The following UBE2E3 variants were observed in gnomAD, a reference collection of about 807,000 sequenced individuals.
UBE2E3 encodes the protein ubiquitin-conjugating enzyme E2 E3.
A neutral mutation model predicts 23.6 loss-of-function variants in UBE2E3; 5 were observed. The observed-to-expected ratio is 0.21, with a 90% CI of 0.11 to 0.44. The LOEUF (loss-of-function observed/expected upper bound fraction) is 0.44, where lower values mean the gene tolerates loss of function less well. UBE2E3 is among the 20% of genes least tolerant of loss of function. UBE2E3 has a pLI of 0.99. For synonymous variants in UBE2E3, 78 were observed against 87.5 expected (o/e 0.89, Z 0.60); for missense variants, 81 against 249.8 (o/e 0.32, Z 4.55).
intron 3 of UBE2E3, among the ~76,000 whole-genome samples, chr2:180,996,984 C>G (rs1302248728): frequency 6.6e-6 from 1 of 152,030 alleles, no homozygotes; most frequent in Non-Finnish European, 1.5e-5. Flanking sequence ...GCACACATGG[C>G]TCTTATAAAT....
At chr2:181,060,525 G>C (rs1687115624) in intron 4 of UBE2E3, 140 bp from the exon 5 acceptor site, 3 of 945,732 alleles carry the variant, frequency 3.2e-6, no homozygotes, top group Admixed American at 7.4e-5. Context: ...ATTTAATTTT[G>C]TTATTAAACC....
intron 3 of UBE2E3, among the ~76,000 whole-genome samples, chr2:181,054,510 G>A (rs1043139084): frequency 2.6e-5 from 4 of 151,360 alleles, no homozygotes; most frequent in South Asian, 4.2e-4. Context: ...TTTTTCATAC[G>A]CTTACTTGCC....
chr2:180,982,670 A>C (rs1684338542), intron 2 of UBE2E3, among the ~76,000 whole-genome samples: 1 of 152,154 alleles, frequency 6.6e-6, no homozygotes, highest in African/African-American at 2.4e-5. Flanking sequence ...TTGCTAGAAA[A>C]TTTGCAAATT....
chr2:181,024,563 A>G (rs1242364591), intron 3 of UBE2E3, among the ~76,000 whole-genome samples: 3 of 152,118 alleles, frequency 2.0e-5, no homozygotes, highest in African/African-American at 7.2e-5. Context: ...GACTTTTAAT[A>G]TATGTGATTA....
At chr2:181,043,469 CAT>C (rs1489173160) in intron 3 of UBE2E3, among the ~76,000 whole-genome samples, 2 of 152,080 alleles carry the variant, frequency 1.3e-5, no homozygotes, top group Non-Finnish European at 2.9e-5. Context: ...GTACATGAAA[CAT>C]AAATGAGTTT....
intron 3 of UBE2E3, among the ~76,000 whole-genome samples, chr2:181,033,749 C>A (rs1686167262): frequency 6.6e-6 from 1 of 152,138 alleles, no homozygotes; most frequent in South Asian, 2.1e-4. Flanking sequence ...AGGCAACCTA[C>A]AGAATGGGAG....
At chr2:181,000,367 T>C (rs62180112) in intron 3 of UBE2E3, among the ~76,000 whole-genome samples, 35,261 of 152,026 alleles carry the variant, frequency 0.23, 4,454 homozygotes, top group Non-Finnish European at 0.28. Flanking sequence ...GGTTAAGCTA[T>C]TGGAAAACTT....
chr2:181,017,913 T>A (rs1685546405), intron 3 of UBE2E3, among the ~76,000 whole-genome samples: 1 of 151,408 alleles, frequency 6.6e-6, no homozygotes, highest in Non-Finnish European at 1.5e-5. Flanking sequence ...AATCCCAGCT[T>A]CATGTCAGCC....
intron 3 of UBE2E3, among the ~76,000 whole-genome samples, chr2:181,056,000 C>G (rs902065253): frequency 6.6e-6 from 1 of 150,418 alleles, no homozygotes. Context: ...TTACAACATT[C>G]GCACTGAAAG....
chr2:181,012,766 A>G (rs1254912740), intron 3 of UBE2E3, among the ~76,000 whole-genome samples: 1 of 152,142 alleles, frequency 6.6e-6, no homozygotes, highest in African/African-American at 2.4e-5. Flanking sequence ...ATGGTGTTAA[A>G]CCATTTGGTG....
intron 4 of UBE2E3, among the ~76,000 whole-genome samples, chr2:181,059,903 A>AT (rs113366917): frequency 1.3e-4 from 20 of 148,500 alleles, no homozygotes; most frequent in South Asian, 1.3e-3. Context: ...ATGATCAGAA[A>AT]TTTTTTTTTT....
chr2:181,017,122 A>G (rs1225093195), intron 3 of UBE2E3, among the ~76,000 whole-genome samples: 1 of 152,246 alleles, frequency 6.6e-6, no homozygotes, highest in African/African-American at 2.4e-5. Context: ...CCTGTGTTAT[A>G]GAAGGGCCTG....
At chr2:180,987,379 G>A in intron 3 of UBE2E3, 1 of 1,550,012 alleles carries the variant, frequency 6.5e-7, no homozygotes, top group Non-Finnish European at 8.7e-7. Context: ...TGTGCAAACA[G>A]CGAAAGTTTA....
At chr2:181,013,438 A>G (rs1256646215) in intron 3 of UBE2E3, among the ~76,000 whole-genome samples, 1 of 152,150 alleles carries the variant, frequency 6.6e-6, no homozygotes, top group Non-Finnish European at 1.5e-5. Context: ...GCTCACTCAC[A>G]TAAAAAGCTG....
intron 3 of UBE2E3, among the ~76,000 whole-genome samples, chr2:181,038,123 A>C (rs1430238769): frequency 6.6e-6 from 1 of 152,224 alleles, no homozygotes; most frequent in African/African-American, 2.4e-5. Flanking sequence ...TGACTCACCC[A>C]GACCAACTTC....
chr2:181,001,793 C>T (rs547460923), intron 3 of UBE2E3, among the ~76,000 whole-genome samples: 45 of 152,246 alleles, frequency 3.0e-4, no homozygotes, highest in African/African-American at 1.1e-3. Context: ...AGAAAGAGAA[C>T]AAGCTGGATG....
In UBE2E3 at chr2:181,059,668, C is replaced by T. The variant is rs1412614589; in HGVS notation, c.379-997C>T. On this transcript the variant is annotated intron_variant, in intron 4 of 5. Transcript: ENST00000410062. ...TACACTTCTAGTTCGTCTCAATTCA[C>T]CTTGCCACAATTTAAGAGCTGTATA... is the stretch of plus-strand genomic sequence containing the variant. 2.0e-5 allele frequency among the ~76,000 whole-genome samples: 3 copies of T among 151,738 alleles called. No individual in the cohort carries two copies. In the East Asian group the frequency reaches 5.8e-4, roughly 30 times the overall value.
intron 3 of UBE2E3, among the ~76,000 whole-genome samples, chr2:181,017,285 A>G (rs1172315784): frequency 6.6e-6 from 1 of 152,208 alleles, no homozygotes; most frequent in African/African-American, 2.4e-5. Context: ...GTGTGCAGGT[A>G]AAGGCTGAGG....
At chr2:181,061,760 G>A (rs1687159425) in intron 5 of UBE2E3, among the ~76,000 whole-genome samples, 1 of 140,686 alleles carries the variant, frequency 7.1e-6, no homozygotes, top group African/African-American at 2.7e-5. Context: ...CACACATTTT[G>A]TTTCGTTATG....
Sources: gnomAD v4.1 joint callset for allele counts (sites outside exome capture counted in the v4.1 genomes callset) on GRCh38, gnomAD v4.1.1 for gene constraint, MANE v1.5 for transcripts, NCBI Gene and HGNC (gene_info 2026-07-23, HGNC 2026-07-21) for gene names.